MEI4: variants seen among roughly 807,000 people sequenced by gnomAD.
The protein encoded by MEI4 is meiosis-specific protein MEI4.
A neutral mutation model predicts 31.4 loss-of-function variants in MEI4; 27 were observed. The ratio of observed to expected loss-of-function variants is 0.86; its 90% CI spans 0.63 to 1.19. The LOEUF (loss-of-function observed/expected upper bound fraction) is 1.19. MEI4 is among the 50% of genes most tolerant of loss of function. The pLI is 0.00. For missense variants in MEI4, 329 were observed against 398.9 expected, an observed-to-expected ratio of 0.82 and a Z score of 1.49; for synonymous variants, 122 against 145.4, an observed-to-expected ratio of 0.84 and a Z score of 1.16.
At chr6:77,705,441 C>A (rs539535567) in intron 2 of MEI4, among the ~76,000 whole-genome samples, 1 of 152,166 alleles carries the variant, frequency 6.6e-6, no homozygotes, top group Non-Finnish European at 1.5e-5. Context: ...AGTAATATCA[C>A]ACATGTGGAA....
chr6:77,779,753 G>A (rs963164402), intron 3 of MEI4, among the ~76,000 whole-genome samples: 3 of 152,020 alleles, frequency 2.0e-5, no homozygotes, highest in African/African-American at 7.2e-5. Context: ...CTATGCTTTA[G>A]TTTGGAAACT....
chr6:77,803,271 TG>T (rs1478525430), intron 3 of MEI4, among the ~76,000 whole-genome samples: 2 of 152,226 alleles, frequency 1.3e-5, no homozygotes, highest in Non-Finnish European at 2.9e-5. Context: ...AATCGGCTAC[TG>T]AGGCTTGTGC....
At chr6:77,656,894 C>G (rs1409683008) in intron 1 of MEI4, among the ~76,000 whole-genome samples, 1 of 152,042 alleles carries the variant, frequency 6.6e-6, no homozygotes, top group East Asian at 1.9e-4. Context: ...TTAAAAATTA[C>G]AAGTATTTTT....
At chr6:77,921,804 C>G (rs1177164478) in intron 4 of MEI4, among the ~76,000 whole-genome samples, 1 of 151,710 alleles carries the variant, frequency 6.6e-6, no homozygotes, top group African/African-American at 2.4e-5. Flanking sequence ...GTGAAGCAGT[C>G]AGAACACACA....
At position 77,755,429 on chromosome 6, in the gene MEI4, T is replaced by C. The variant is rs182084835; in HGVS notation, c.233-5701T>C. 1.5e-3 allele frequency among the ~76,000 whole-genome samples: 227 copies of C among 152,214 alleles called. 1 individual carries two copies. The highest frequency in any genetic ancestry group is 5.2e-3 in the African/African-American group (218 of 41,540). On this transcript the variant is annotated intron_variant, in intron 2 of 4. Transcript: ENST00000684080. ...TAGGTTTTGTTTATTCATACTTTTT[T>C]TTTTTCTAAGACAGAGTCTCACTGT...
At chr6:77,661,942 C>A (rs997111366) in intron 1 of MEI4, among the ~76,000 whole-genome samples, 1 of 152,114 alleles carries the variant, frequency 6.6e-6, no homozygotes, top group Non-Finnish European at 1.5e-5. Context: ...TGGGATCTGA[C>A]GCCTTTTGAT....
intron 2 of MEI4, among the ~76,000 whole-genome samples, chr6:77,755,598 T>C (rs1389272048): frequency 1.3e-5 from 2 of 152,092 alleles, no homozygotes; most frequent in Non-Finnish European, 1.5e-5. Context: ...TTTGTATTTT[T>C]AGTAGAGATG....
chr6:77,707,012 T>A, intron 2 of MEI4, among the ~76,000 whole-genome samples: 1 of 128,782 alleles, frequency 7.8e-6, no homozygotes, highest in African/African-American at 2.7e-5. Context: ...GCTATAAAGA[T>A]ACCTGAAAAT....
chr6:77,909,570 C>G (rs1040259016), intron 4 of MEI4, among the ~76,000 whole-genome samples: 6 of 152,054 alleles, frequency 3.9e-5, no homozygotes, highest in African/African-American at 1.4e-4. Flanking sequence ...TATTTAATAG[C>G]TTACCAACCA....
chr6:77,869,659 T>C (rs1228883799), intron 4 of MEI4, among the ~76,000 whole-genome samples: 2 of 152,194 alleles, frequency 1.3e-5, no homozygotes, highest in East Asian at 3.9e-4. Flanking sequence ...CAGGTTGTGA[T>C]ATTTTGCTAT....
chr6:77,851,210 A>G (rs1204147680), intron 4 of MEI4, among the ~76,000 whole-genome samples: 3 of 152,224 alleles, frequency 2.0e-5, no homozygotes, highest in East Asian at 3.8e-4. Flanking sequence ...TAGTTCAACC[A>G]TTGTGGAAGA....
Position 77,915,128 on chromosome 6 carries a change from C to G in MEI4, c.901-7961C>G, listed in dbSNP as rs148404805. ...GTTTCTGGCTGTTTGTGTGTCTTTC[C>G]TTCCTTTCCTTTTATCTATTTGCTT... On this transcript the variant is annotated intron_variant, in intron 4 of 4. Transcript: ENST00000684080. Among the ~76,000 whole-genome samples, 213 of 151,818 alleles carry G rather than the reference C, an allele frequency of 1.4e-3. 1 individual carries two copies. Among genetic ancestry groups the G allele is most frequent in the African/African-American group, 4.5e-3 (187 of 41,442 alleles).
chr6:77,853,742 G>T (rs759298440), intron 4 of MEI4, among the ~76,000 whole-genome samples: 7 of 152,078 alleles, frequency 4.6e-5, no homozygotes, highest in Non-Finnish European at 7.4e-5. Flanking sequence ...TTCTATATCA[G>T]GACATAAATT....
At chr6:77,685,232 C>T (rs1197048539) in intron 1 of MEI4, among the ~76,000 whole-genome samples, 2 of 150,252 alleles carry the variant, frequency 1.3e-5, no homozygotes, top group African/African-American at 4.9e-5. Context: ...CTTTGAGCTC[C>T]TTATATATTC....
At chr6:77,699,346 C>T (rs9352513) in intron 2 of MEI4, among the ~76,000 whole-genome samples, 8,627 of 151,834 alleles carry the variant, frequency 0.057, 670 homozygotes, top group African/African-American at 0.17. Context: ...CCTGCCACTA[C>T]GCCCGGCTAA....
chr6:77,681,445 A>C (rs1458412), intron 1 of MEI4, among the ~76,000 whole-genome samples: 1 of 152,092 alleles, frequency 6.6e-6, no homozygotes, highest in Non-Finnish European at 1.5e-5. Flanking sequence ...AAATATTTTT[A>C]AAAAATCCAT....
chr6:77,661,395 C>T (rs933768784), intron 1 of MEI4, among the ~76,000 whole-genome samples: 13 of 152,110 alleles, frequency 8.5e-5, no homozygotes, highest in African/African-American at 2.9e-4. Context: ...GAAACGACCG[C>T]GGTGGCCTTC....
chr6:77,753,951 G>A (rs1767848137), intron 2 of MEI4, among the ~76,000 whole-genome samples: 1 of 152,126 alleles, frequency 6.6e-6, no homozygotes. Flanking sequence ...GTCCTTTGCA[G>A]GGACATGGAT....
chr6:77,740,744 C>T (rs1182379796), intron 2 of MEI4, among the ~76,000 whole-genome samples: 2 of 151,846 alleles, frequency 1.3e-5, no homozygotes, highest in African/African-American at 4.8e-5. Context: ...TTTATTTGAT[C>T]TCAACCTTTA....
Sources: allele counts gnomAD v4.1 joint callset (sites outside exome capture counted in the v4.1 genomes callset), GRCh38; gene constraint gnomAD v4.1.1; transcripts MANE v1.5; gene names NCBI Gene and HGNC (gene_info 2026-07-23, HGNC 2026-07-21).